The following BRINP1 variants were observed in gnomAD, a reference collection of about 807,000 sequenced individuals.
The protein encoded by BRINP1 is BMP/retinoic acid inducible neural specific 1.
Under a neutral mutation model 72.9 loss-of-function variants are expected in BRINP1, and 17 were observed. The ratio of observed to expected loss-of-function variants is 0.23; its 90% CI spans 0.16 to 0.35. The LOEUF is 0.35. Among genes scored for constraint, BRINP1 ranks in the 10% least tolerant of loss-of-function variants. BRINP1 has a pLI of 1.00. For synonymous variants in BRINP1, 418 were observed against 378.5 expected, an observed-to-expected ratio of 1.10 and a Z score of -1.21; for missense variants, 850 against 1,001.6, an observed-to-expected ratio of 0.85 and a Z score of 2.04.
intron 7 of BRINP1, among the ~76,000 whole-genome samples, chr9:119,169,808 A>G (rs1588152323): frequency 1.3e-5 from 2 of 152,332 alleles, no homozygotes; most frequent in Admixed American, 6.5e-5. Flanking sequence ...TGCCTCCTCA[A>G]GTGGGTCCCT....
chr9:119,318,957 A>C (rs1183511781), intron 1 of BRINP1, among the ~76,000 whole-genome samples: 1 of 151,540 alleles, frequency 6.6e-6, no homozygotes, highest in Non-Finnish European at 1.5e-5. Flanking sequence ...GTACTTCCCA[A>C]GTGTGGACCT....
chr9:119,203,094 G>A (rs896313985), intron 7 of BRINP1, among the ~76,000 whole-genome samples: 8 of 152,000 alleles, frequency 5.3e-5, no homozygotes, highest in African/African-American at 1.2e-4. Context: ...CAACCTTGAC[G>A]AGCAAACCCT....
intron 7 of BRINP1, among the ~76,000 whole-genome samples, chr9:119,169,510 G>A (rs230100): frequency 0.6 from 91,400 of 152,102 alleles, 29,819 homozygotes; most frequent in African/African-American, 0.88. Context: ...GATTGCTAGC[G>A]CAGCAGTCTG....
intron 2 of BRINP1, among the ~76,000 whole-genome samples, chr9:119,282,582 A>G (rs1007892454): frequency 3.9e-5 from 6 of 152,280 alleles, no homozygotes; most frequent in Middle Eastern, 3.4e-3. Flanking sequence ...AAGAAAAGGA[A>G]ACAAATTAAA....
chr9:119,301,273 C>T (rs1003038757), intron 2 of BRINP1, among the ~76,000 whole-genome samples: 5 of 152,198 alleles, frequency 3.3e-5, no homozygotes, highest in African/African-American at 1.2e-4. Context: ...TTCCCCTTCT[C>T]TTTTCCTTAC....
chr9:119,239,647 G>A (rs1051892649), intron 4 of BRINP1, among the ~76,000 whole-genome samples: 4 of 152,126 alleles, frequency 2.6e-5, no homozygotes, highest in Non-Finnish European at 5.9e-5. Flanking sequence ...TTTTCCAGCT[G>A]TGAAACCTTG....
intron 4 of BRINP1, among the ~76,000 whole-genome samples, chr9:119,239,766 C>CAT (rs1297380976): frequency 6.6e-6 from 1 of 152,158 alleles, no homozygotes; most frequent in Non-Finnish European, 1.5e-5. Flanking sequence ...AAGGGTTTAG[C>CAT]ACTTCGGGTG....
intron 7 of BRINP1, among the ~76,000 whole-genome samples, chr9:119,175,563 C>A (rs1287014848): frequency 1.3e-5 from 2 of 152,076 alleles, no homozygotes; most frequent in African/African-American, 4.8e-5. Context: ...TCCAGAGCTC[C>A]AAACTCTCCA....
At chr9:119,294,425 G>A (rs915830119) in intron 2 of BRINP1, among the ~76,000 whole-genome samples, 2 of 152,110 alleles carry the variant, frequency 1.3e-5, no homozygotes, top group African/African-American at 4.8e-5. Flanking sequence ...TACCCAGGAG[G>A]CTGAGGCAGG....
intron 2 of BRINP1, among the ~76,000 whole-genome samples, chr9:119,268,247 A>AATAG (rs61056780): frequency 0.014 from 1,345 of 95,568 alleles, 9 homozygotes; most frequent in African/African-American, 0.019. Context: ...TGTCTCAATA[A>AATAG]ATAGATAGAT....
intron 4 of BRINP1, among the ~76,000 whole-genome samples, chr9:119,239,438 T>G (rs1341165758): frequency 6.6e-6 from 1 of 152,182 alleles, no homozygotes; most frequent in Non-Finnish European, 1.5e-5. Context: ...CTTGAGGTGG[T>G]GGGTAAGAGA....
chr9:119,295,322 T>C lies in BRINP1; in HGVS notation c.218+17816A>G, dbSNP rs377661904. On this transcript the variant is annotated intron_variant, in intron 2 of 7. Coordinates refer to ENST00000265922, the MANE Select transcript of BRINP1 (RefSeq NM_014618.3). ...GACTCTGAAAGTGGACAGGAATACA[T>C]TCTGAGAAATACATCAGTAGATGAT... Among the ~76,000 whole-genome samples, 5 of 152,174 alleles carry C rather than the reference T, an allele frequency of 3.3e-5. 1 individual carries two copies. The highest frequency in any genetic ancestry group is 1.9e-4 in the East Asian group (1 of 5,170).
At chr9:119,231,639 ATC>A (rs1830149596) in intron 5 of BRINP1, among the ~76,000 whole-genome samples, 2 of 152,040 alleles carry the variant, frequency 1.3e-5, no homozygotes, top group East Asian at 3.9e-4. Flanking sequence ...GCTAAATATC[ATC>A]CTCAGTTCTC....
In BRINP1 at chr9:119,294,695, A is replaced by C. The variant is rs547501127; in HGVS notation, c.218+18443T>G. 2.0e-5 allele frequency among the ~76,000 whole-genome samples: 3 copies of C among 151,896 alleles called. No individual in the cohort carries two copies. In the South Asian group the frequency reaches 6.2e-4, roughly 32 times the overall value. ...AGCCTGGCCAACATAGTAAAACCCCATCTCTACTAAAAATACAAAAATTAG... is the reference window on the plus strand; with the variant it reads ...AGCCTGGCCAACATAGTAAAACCCCCTCTCTACTAAAAATACAAAAATTAG... On this transcript the variant is annotated intron_variant, in intron 2 of 7. Coordinates refer to ENST00000265922, the MANE Select transcript of BRINP1 (RefSeq NM_014618.3).
Position 119,313,341 on chromosome 9 carries a change from A to T in BRINP1, c.15T>A (p.Phe5Leu), listed in dbSNP as rs1831088630. The T allele has an allele frequency of 1.2e-6, 2 of 1,613,748 alleles. No homozygotes were observed. The highest frequency in any genetic ancestry group is 1.7e-5 in the Admixed American group (1 of 60,002). Reference sequence around the variant, plus strand: ...TAAACAGGAAGTAGAGGAGCTCAACAAACCTCCAGTTCATGCTTTTCTGCC... The same window carrying T: ...TAAACAGGAAGTAGAGGAGCTCAACTAACCTCCAGTTCATGCTTTTCTGCC... MNWR[F>L]VELLYFLFIW... The change falls in exon 2 of 8, where the codon TTT becomes TTA. Residue 5 changes from phenylalanine to leucine, a missense_variant. Phe to Leu is a conservative substitution (Grantham distance 22, BLOSUM62 0). Coordinates refer to ENST00000265922, the MANE Select transcript of BRINP1 (RefSeq NM_014618.3).
At chr9:119,233,816 G>T (rs1361891658) in intron 5 of BRINP1, among the ~76,000 whole-genome samples, 1 of 151,966 alleles carries the variant, frequency 6.6e-6, no homozygotes, top group Non-Finnish European at 1.5e-5. Context: ...TCTCCCTAAA[G>T]GTTAACACTC....
At chr9:119,361,797 ATTTTTTT>A (rs869281749) in intron 1 of BRINP1, among the ~76,000 whole-genome samples, 1 of 64,470 alleles carries the variant, frequency 1.6e-5, no homozygotes, top group Non-Finnish European at 2.8e-5. Context: ...CAGTTTTTGC[ATTTTTTT>A]TTTTTTTTTT....
chr9:119,189,648 C>T (rs1829663102), intron 7 of BRINP1, among the ~76,000 whole-genome samples: 1 of 152,028 alleles, frequency 6.6e-6, no homozygotes, highest in Non-Finnish European at 1.5e-5. Context: ...ATGCACCCAA[C>T]ATTGGAGCAC....
chr9:119,224,990 T>C (rs1830075541), intron 5 of BRINP1, among the ~76,000 whole-genome samples: 1 of 152,048 alleles, frequency 6.6e-6, no homozygotes, highest in African/African-American at 2.4e-5. Context: ...CCAAATCTTT[T>C]TTTAATTTAA....
Sources: gnomAD v4.1 joint callset for allele counts (sites outside exome capture counted in the v4.1 genomes callset) on GRCh38, gnomAD v4.1.1 for gene constraint, MANE v1.5 for transcripts, NCBI Gene and HGNC (gene_info 2026-07-23, HGNC 2026-07-21) for gene names.